The following UNC5D variants were observed in gnomAD, a reference collection of about 807,000 sequenced individuals.
UNC5D encodes the protein unc-5 netrin receptor D.
Under a neutral mutation model 105.4 loss-of-function variants are expected in UNC5D, and 39 were observed. The observed-to-expected ratio is 0.37, with a 90% CI of 0.29 to 0.48. The LOEUF is 0.48. UNC5D is among the 20% of genes least tolerant of loss of function. The probability of loss-of-function intolerance (pLI) is 0.98; values close to 1 mark genes in which losing one functional copy is unlikely to be tolerated. For missense variants in UNC5D, 991 were observed against 1,202.4 expected (o/e 0.82, Z 2.60); for synonymous variants, 452 against 450.4 (o/e 1.00, Z -0.04).
chr8:35,669,772 A>AATG (rs1332473349), intron 4 of UNC5D, among the ~76,000 whole-genome samples: 1 of 152,164 alleles, frequency 6.6e-6, no homozygotes. Context: ...CAAATATTTT[A>AATG]ATGTCAAACA....
At chr8:35,679,537 GCT>G (rs1416921688) in intron 4 of UNC5D, among the ~76,000 whole-genome samples, 1 of 152,148 alleles carries the variant, frequency 6.6e-6, no homozygotes, top group Non-Finnish European at 1.5e-5. Flanking sequence ...AAAGCTCGAG[GCT>G]CTGAGGTGGC....
chr8:35,515,662 G>T (rs1217769342), intron 1 of UNC5D, among the ~76,000 whole-genome samples: 1 of 152,174 alleles, frequency 6.6e-6, no homozygotes, highest in East Asian at 1.9e-4. Flanking sequence ...TGCAGCCTGG[G>T]CAACAAAATG....
intron 4 of UNC5D, among the ~76,000 whole-genome samples, chr8:35,660,928 C>CA (rs1450868244): frequency 1.3e-5 from 2 of 152,100 alleles, no homozygotes; most frequent in Admixed American, 6.6e-5. Flanking sequence ...CCCTTCTCTA[C>CA]AAAAATATTT....
Position 35,790,374 on chromosome 8 carries a change from C to T in UNC5D, c.2673C>T (p.Phe891=), listed in dbSNP as rs764263396. Residue 891 remains phenylalanine, a synonymous_variant, in exon 17 of 17, where the codon TTC becomes TTT. Coordinates refer to ENST00000404895, the MANE Select transcript of UNC5D (RefSeq NM_080872.4). ...KNSINRNLSY[F]ATQSSPSAVI... ...CTCCATCTAGGAATTTATCTTATTT[C>T]GCTACACAAAGTAGCCCATCTGCTG... 49 of 1,613,568 alleles carry T rather than the reference C, an allele frequency of 3.0e-5. No homozygotes were observed. The Middle Eastern group carries it at 8.2e-4, about 27-fold the overall frequency.
Position 35,549,379 on chromosome 8 carries a change from A to T in UNC5D, c.191A>T (p.Tyr64Phe), listed in dbSNP as rs1421429705. 6.2e-7 allele frequency: 1 copy of T among 1,613,606 alleles called. No individual in the cohort carries two copies. ...PHFIEEPDDAYIIKSNPIALR... is the reference protein window; with the variant it reads ...PHFIEEPDDAFIIKSNPIALR... The stretch of plus-strand genomic sequence containing the variant: ...TTCATAGAGGAGCCAGATGATGCTT[A>T]TATTATCAAGAGCAACCCTATTGCA... Residue 64 changes from tyrosine (Y) to phenylalanine (F), a missense_variant, in exon 2 of 17, where the codon TAT (tyrosine) becomes TTT (phenylalanine). This residue lies in a region of UNC5D where 944 missense variants were observed against 1,131.6 expected (regional missense o/e 0.83). Transcript: ENST00000404895.
intron 2 of UNC5D, among the ~76,000 whole-genome samples, chr8:35,552,096 G>T (rs1816197918): frequency 6.6e-6 from 1 of 152,054 alleles, no homozygotes; most frequent in African/African-American, 2.4e-5. Flanking sequence ...TTTCAAATTG[G>T]AATTAGTAGG....
At chr8:35,294,844 G>A (rs1807348421) in intron 1 of UNC5D, among the ~76,000 whole-genome samples, 2 of 151,892 alleles carry the variant, frequency 1.3e-5, no homozygotes, top group African/African-American at 4.8e-5. Context: ...CTGATTCTTG[G>A]GAACACTCAG....
rs752599540 is a variant in UNC5D, at chr8:35,300,446, C to CAAAAAAAAAA, written c.103+64598_103+64607dup. On this transcript the variant is annotated intron_variant, in intron 1 of 16. Transcript: ENST00000404895. ...TGGGCAACAGAGAGAGACTCCCTCT[C>CAAAAAAAAAA]AAAAAAAAAAAAAAAAAAAAAAAAA... Among the ~76,000 whole-genome samples, 8 of 58,400 alleles carry CAAAAAAAAAA rather than the reference C, an allele frequency of 1.4e-4. 1 individual carries two copies. The highest frequency in any genetic ancestry group is 3.2e-4 in the African/African-American group (5 of 15,604). The allele number at this position is 58,400 out of a possible 152,430, so 38.3% of individuals were successfully genotyped here.
At chr8:35,381,696 C>T (rs1463990483) in intron 1 of UNC5D, among the ~76,000 whole-genome samples, 1 of 152,046 alleles carries the variant, frequency 6.6e-6, no homozygotes, top group Non-Finnish European at 1.5e-5. Context: ...TTAGATAGCA[C>T]TTATTAAATT....
chr8:35,357,390 C>G (rs562884799), intron 1 of UNC5D, among the ~76,000 whole-genome samples: 1 of 152,132 alleles, frequency 6.6e-6, no homozygotes, highest in Non-Finnish European at 1.5e-5. Flanking sequence ...TGCTCATTAA[C>G]CCCAGACTGC....
At chr8:35,294,421 CT>C (rs1807312821) in intron 1 of UNC5D, among the ~76,000 whole-genome samples, 1 of 152,146 alleles carries the variant, frequency 6.6e-6, no homozygotes, top group African/African-American at 2.4e-5. Flanking sequence ...GCTATTTCAG[CT>C]GTCATCTTGA....
intron 1 of UNC5D, among the ~76,000 whole-genome samples, chr8:35,331,759 G>A (rs751684950): frequency 3.3e-5 from 5 of 152,082 alleles, no homozygotes; most frequent in Non-Finnish European, 5.9e-5. Context: ...AATGGCCTTC[G>A]GAGTCAGCCT....
rs185788543 is a variant in UNC5D at position 35,347,957 on chromosome 8, G to A, written c.103+112070G>A. The stretch of plus-strand genomic sequence containing the variant: ...GTGATTGGGAACTAAATGCAAAGGA[G>A]AAATATTCAGTTTTATTTCATATTT... On this transcript the variant is annotated intron_variant, in intron 1 of 16. Coordinates refer to ENST00000404895, the MANE Select transcript of UNC5D (RefSeq NM_080872.4). Among the ~76,000 whole-genome samples the A allele has an allele frequency of 3.3e-5, 5 of 152,086 alleles. No homozygotes were observed. In the East Asian group the frequency reaches 9.7e-4, roughly 29 times the overall value.
At chr8:35,592,690 G>A (rs1819244050) in intron 3 of UNC5D, among the ~76,000 whole-genome samples, 1 of 152,120 alleles carries the variant, frequency 6.6e-6, no homozygotes, top group Non-Finnish European at 1.5e-5. Context: ...CCAGAACTAG[G>A]ACTCCATGAT....
chr8:35,575,697 C>G (rs961471971), intron 3 of UNC5D, among the ~76,000 whole-genome samples: 9 of 152,116 alleles, frequency 5.9e-5, no homozygotes, highest in African/African-American at 2.2e-4. Flanking sequence ...GCTTGAAACT[C>G]TCCTTCCTCT....
intron 1 of UNC5D, among the ~76,000 whole-genome samples, chr8:35,530,208 G>C (rs1256223869): frequency 6.6e-6 from 1 of 150,830 alleles, no homozygotes; most frequent in East Asian, 2.0e-4. Context: ...TTATTATTTT[G>C]AAATATGTCC....
At chr8:35,417,912 C>T (rs1713609130) in intron 1 of UNC5D, among the ~76,000 whole-genome samples, 1 of 152,058 alleles carries the variant, frequency 6.6e-6, no homozygotes, top group African/African-American at 2.4e-5. Flanking sequence ...CATAGTAAAT[C>T]AGTGGAGGGG....
At chr8:35,507,249 G>GT (rs1812383638) in intron 1 of UNC5D, among the ~76,000 whole-genome samples, 1 of 151,564 alleles carries the variant, frequency 6.6e-6, no homozygotes, top group South Asian at 2.1e-4. Flanking sequence ...TAGAGACGGG[G>GT]TTTCACCGTT....
At chr8:35,286,207 C>T (rs1470099870) in intron 1 of UNC5D, among the ~76,000 whole-genome samples, 5 of 152,082 alleles carry the variant, frequency 3.3e-5, no homozygotes, top group South Asian at 2.1e-4. Flanking sequence ...ACCATTTTCC[C>T]AGAGTGACAC....
Sources: allele counts gnomAD v4.1 joint callset (sites outside exome capture counted in the v4.1 genomes callset), GRCh38; gene constraint gnomAD v4.1.1; regional missense constraint gnomAD v4.1.1; transcripts MANE v1.5; gene names NCBI Gene and HGNC (gene_info 2026-07-23, HGNC 2026-07-21).